Variants in CCDC149 observed in about 807,000 individuals in gnomAD.
CCDC149 encodes coiled-coil domain containing 149.
CCDC149 carries 45 observed loss-of-function variants against 59.9 expected under a neutral mutation model. That is an observed-to-expected ratio of 0.75 (90% CI 0.59 to 0.96). CCDC149 has a LOEUF of 0.96. Among genes scored for constraint, CCDC149 ranks in the 40% least tolerant of loss-of-function variants. The pLI is 0.00. For missense variants in CCDC149, 584 were observed against 664.7 expected (o/e 0.88, Z 1.33); for synonymous variants, 245 against 260.6 (o/e 0.94, Z 0.58).
At chr4:24,890,551 C>G (rs186312714) in intron 1 of CCDC149, among the ~76,000 whole-genome samples, 1 of 152,330 alleles carries the variant, frequency 6.6e-6, no homozygotes, top group African/African-American at 2.4e-5. Flanking sequence ...ATCAAAAGAA[C>G]TGAGTCTGTC....
intron 1 of CCDC149, among the ~76,000 whole-genome samples, chr4:24,878,015 A>C (rs1172331900): frequency 6.6e-6 from 1 of 152,228 alleles, no homozygotes; most frequent in African/African-American, 2.4e-5. Context: ...ACACTCTGAC[A>C]TGAGTACTTT....
At chr4:24,825,722 G>A (rs1429745236) in intron 9 of CCDC149, among the ~76,000 whole-genome samples, 1 of 150,960 alleles carries the variant, frequency 6.6e-6, no homozygotes, top group Non-Finnish European at 1.5e-5. Context: ...GTAGTGAGCC[G>A]AGATAGCGCC....
At position 24,899,925 on chromosome 4, in the gene CCDC149, T is replaced by C. The variant is rs562361126; in HGVS notation, c.63+12892A>G. Among the ~76,000 whole-genome samples the C allele has an allele frequency of 1.4e-3, 209 of 152,282 alleles. 1 individual carries two copies. The highest frequency in any genetic ancestry group is 4.9e-3 in the African/African-American group (203 of 41,546). On this transcript the variant is annotated intron_variant, in intron 1 of 12. Coordinates refer to ENST00000635206, the MANE Select transcript of CCDC149 (RefSeq NM_001330643.2). Reference sequence around the variant, plus strand: ...TGATCTGAGATTTCCCCAACAAGTCTTGCATTTTGCTATGTCTGTACCTTT... The same window carrying C: ...TGATCTGAGATTTCCCCAACAAGTCCTGCATTTTGCTATGTCTGTACCTTT...
intron 8 of CCDC149, 128 bp from the exon 9 acceptor site, chr4:24,831,778 G>T: frequency 1.3e-6 from 1 of 759,876 alleles, no homozygotes. Context: ...TGTATTGAGA[G>T]TCCACCTCAA....
At chr4:24,936,854 A>G (rs567030378) in intron 1 of CCDC149, among the ~76,000 whole-genome samples, 1 of 152,336 alleles carries the variant, frequency 6.6e-6, no homozygotes, top group South Asian at 2.1e-4. Flanking sequence ...GAATGGCCTG[A>G]GAGGCTGGCA....
chr4:24,879,730 C>T (rs1259372313), intron 1 of CCDC149, among the ~76,000 whole-genome samples: 3 of 151,862 alleles, frequency 2.0e-5, no homozygotes, highest in Non-Finnish European at 2.9e-5. Context: ...GAAAACACTG[C>T]TATCACCTGG....
At chr4:24,979,618 A>G (rs956000981) in intron 1 of CCDC149, among the ~76,000 whole-genome samples, 2 of 152,192 alleles carry the variant, frequency 1.3e-5, no homozygotes, top group Non-Finnish European at 2.9e-5. Context: ...GGTTCCTACA[A>G]TTGAGCAGAT....
chr4:24,965,114 A>G (rs1028801446), intron 1 of CCDC149, among the ~76,000 whole-genome samples: 15 of 151,330 alleles, frequency 9.9e-5, no homozygotes, highest in African/African-American at 3.7e-4. Context: ...AAGGGAAAAA[A>G]CATTGGAATT....
intron 1 of CCDC149, among the ~76,000 whole-genome samples, chr4:24,963,489 C>T (rs1202981494): frequency 6.6e-6 from 1 of 152,178 alleles, no homozygotes; most frequent in Non-Finnish European, 1.5e-5. Flanking sequence ...TGAGCCTCCA[C>T]CCTCACCCAA....
chr4:24,949,619 A>G (rs1489744988), intron 1 of CCDC149, among the ~76,000 whole-genome samples: 1 of 152,196 alleles, frequency 6.6e-6, no homozygotes, highest in East Asian at 1.9e-4. Context: ...AGGGGCTTAC[A>G]CACATTTGCA....
At chr4:24,965,493 TC>T (rs1166656825) in intron 1 of CCDC149, among the ~76,000 whole-genome samples, 3,170 of 150,970 alleles carry the variant, frequency 0.021, 105 homozygotes, top group African/African-American at 0.059. Context: ...CAGAAAAATC[TC>T]TGGAAAATTC....
chr4:24,838,223 C>A lies in CCDC149; in HGVS notation c.422G>T (p.Gly141Val). The A allele has an allele frequency of 6.2e-7, 1 of 1,614,210 alleles. No homozygotes were observed. The highest frequency in any genetic ancestry group is 8.5e-7 in the Non-Finnish European group (1 of 1,180,030). Residue 141 changes from glycine (G) to valine (V), a missense_variant, in exon 5 of 13, where the codon GGC becomes GTC. Gly to Val is a moderately radical substitution (Grantham distance 109). Transcript: ENST00000635206. ...CTCATGGGCTGCAAAGTGTCGCACG[C>A]CGATTGCTTCGTCTCCGAGCCTTTG...
intron 1 of CCDC149, among the ~76,000 whole-genome samples, chr4:24,896,217 G>A (rs972742596): frequency 3.3e-5 from 5 of 152,220 alleles, no homozygotes; most frequent in African/African-American, 1.2e-4. Context: ...ATATAATGAG[G>A]TCATTACCAC....
intron 1 of CCDC149, among the ~76,000 whole-genome samples, chr4:24,921,214 G>A (rs1332708322): frequency 2.6e-5 from 4 of 152,164 alleles, no homozygotes; most frequent in Admixed American, 1.3e-4. Flanking sequence ...TTCTAAGCAG[G>A]TGACATGTCC....
intron 9 of CCDC149, chr4:24,828,180 G>C (rs1233886336): frequency 6.6e-6 from 1 of 150,982 alleles, no homozygotes; most frequent in Non-Finnish European, 1.5e-5. Context: ...CTGATGCGAA[G>C]CAATCTCCAA....
chr4:24,897,363 AAAGT>A (rs1720903820), intron 1 of CCDC149, among the ~76,000 whole-genome samples: 1 of 152,154 alleles, frequency 6.6e-6, no homozygotes, highest in Admixed American at 6.6e-5. Context: ...GGTTTGGATG[AAAGT>A]AAGAAAGGCC....
intron 1 of CCDC149, among the ~76,000 whole-genome samples, chr4:24,947,430 T>C (rs1261062515): frequency 6.6e-6 from 1 of 152,216 alleles, no homozygotes; most frequent in Non-Finnish European, 1.5e-5. Flanking sequence ...CCAGCCATGC[T>C]GAACTGTGAG....
At chr4:24,831,484 A>G (rs1443393307) in intron 9 of CCDC149, 22 bp downstream of exon 9, 1 of 1,612,646 alleles carries the variant, frequency 6.2e-7, no homozygotes, top group Admixed American at 1.7e-5. Flanking sequence ...CCACCCCCCA[A>G]CACAAGAGTT....
chr4:24,876,620 T>C lies in CCDC149; in HGVS notation c.141A>G (p.Gln47=). 1.9e-6 allele frequency: 3 copies of C among 1,614,170 alleles called. No homozygotes were observed. The highest frequency in any genetic ancestry group is 1.7e-5 in the Admixed American group (1 of 60,028). Residue 47 remains glutamine, a synonymous_variant, in exon 2 of 13, where the codon CAA becomes CAG. Transcript: ENST00000635206. ...TGAGTTTGTACTGGTCCCTTTCCTG[T>C]TGACAGGTGTCCAGCTCCTTGGAGA...
Sources: allele counts gnomAD v4.1 joint callset (sites outside exome capture counted in the v4.1 genomes callset), GRCh38; gene constraint gnomAD v4.1.1; transcripts MANE v1.5; gene names NCBI Gene and HGNC (gene_info 2026-07-23, HGNC 2026-07-21).